The following AP1M1 variants were observed in gnomAD, a reference collection of about 807,000 sequenced individuals.
AP1M1 encodes adaptor related protein complex 1 subunit mu 1, also known as AP-1 complex subunit mu-1.
In AP1M1, 18 loss-of-function variants were observed where a neutral mutation model predicts 57.1. That is an observed-to-expected ratio of 0.32 (90% CI 0.22 to 0.47). The LOEUF is 0.47. AP1M1 is among the 20% of genes least tolerant of loss of function. The pLI is 1.00. For synonymous variants in AP1M1, 241 were observed against 237.9 expected, an observed-to-expected ratio of 1.01 and a Z score of -0.12; for missense variants, 362 against 593.5, an observed-to-expected ratio of 0.61 and a Z score of 4.05.
intron 5 of AP1M1, among the ~76,000 whole-genome samples, chr19:16,213,756 G>C (rs2091505667): frequency 6.6e-6 from 1 of 152,176 alleles, no homozygotes; most frequent in African/African-American, 2.4e-5. Context: ...GCCTCCCAAA[G>C]TGCTGGGATA....
chr19:16,209,070 C>T lies in AP1M1; in HGVS notation c.439C>T (p.Pro147Ser). Reference protein sequence around the residue: ...QEGHKLETGAPRPPATVTNAV... With the variant: ...QEGHKLETGASRPPATVTNAV... The stretch of plus-strand genomic sequence containing the variant: ...AGGCCACAAGCTGGAAACAGGGGCC[C>T]CGCGGCCACCAGCCACCGTCACCAA... The change falls in exon 5 of 12, where the codon CCG (proline) becomes TCG (serine). Residue 147 changes from proline (P) to serine (S), a missense_variant. By Grantham distance (74) the Pro-to-Ser change is moderately conservative. Around this residue, in one of 2 missense-constraint regions of AP1M1, gnomAD observed 337 missense variants for 511.1 expected, o/e 0.66. Coordinates refer to ENST00000291439, the MANE Select transcript of AP1M1 (RefSeq NM_032493.4). The T allele has an allele frequency of 1.2e-6, 2 of 1,614,210 alleles. No homozygotes were observed. The highest frequency in any genetic ancestry group is 2.2e-5 in the East Asian group (1 of 44,888).
chr19:16,201,704 A>G (rs2091448279), intron 1 of AP1M1, among the ~76,000 whole-genome samples: 1 of 152,032 alleles, frequency 6.6e-6, no homozygotes, highest in Non-Finnish European at 1.5e-5. Flanking sequence ...AGCTGGGAGG[A>G]CTTCCTAGAG....
At position 16,227,426 on chromosome 19, in the gene AP1M1, G is replaced by T; in HGVS notation, c.674-122G>T. ...AGCCCCCTTGGTGTTTGTGGCCCAG[G>T]CTGCTCTCAGTGCGTGGACTGGGGG... is the stretch of plus-strand genomic sequence containing the variant. On this transcript the variant is annotated intron_variant, in intron 6 of 11. Transcript: ENST00000291439. The surrounding 1 kb of genome is among the most constrained non-coding windows in gnomAD (Gnocchi z 6.2). The T allele has an allele frequency of 8.8e-7, 1 of 1,142,418 alleles. No homozygotes were observed. The allele number at this position is 1,142,418 out of a possible 1,614,324, so 70.8% of individuals were successfully genotyped here. A position where few individuals can be genotyped will look rare whatever the true frequency, so the allele number is the denominator to read the frequency against.
chr19:16,228,695 G>A lies in AP1M1; in HGVS notation c.889-75G>A. ...GGAGGATCCCCCGGGCCAGGCTGAG[G>A]GGCATGTGTCCTGGAGAGGCTGGCC... On this transcript the variant is annotated intron_variant, in intron 8 of 11. Coordinates refer to ENST00000291439, the MANE Select transcript of AP1M1 (RefSeq NM_032493.4). This position sits in a 1 kb window ranked among gnomAD's most constrained non-coding sequence, Gnocchi z 5.0. The A allele has an allele frequency of 6.4e-7, 1 of 1,561,744 alleles. No homozygotes were observed. The highest frequency in any genetic ancestry group is 8.8e-7 in the Non-Finnish European group (1 of 1,141,560).
At chr19:16,234,096 T>C in intron 10 of AP1M1, 103 bp from the exon 11 acceptor site, 2 of 1,162,720 alleles carry the variant, frequency 1.7e-6, no homozygotes, top group African/African-American at 1.5e-5. Flanking sequence ...CCTGTCGTCA[T>C]GGCCTCCCCT....
Position 16,209,821 on chromosome 19 carries a change from G to A in AP1M1, c.546+644G>A, listed in dbSNP as rs1217725674. Among the ~76,000 whole-genome samples the A allele has an allele frequency of 4.6e-5, 7 of 152,080 alleles. No homozygotes were observed. In the East Asian group the frequency reaches 1.3e-3, roughly 29 times the overall value. ...TTTGGGTTTTGATTTTGCGTTCAGTGTTACTGTTTTGTATATTTTTTTCTT... is the reference window on the plus strand; with the variant it reads ...TTTGGGTTTTGATTTTGCGTTCAGTATTACTGTTTTGTATATTTTTTTCTT... On this transcript the variant is annotated intron_variant, in intron 5 of 11. Transcript: ENST00000291439.
chr19:16,210,543 C>A, intron 5 of AP1M1: 1 of 593,624 alleles, frequency 1.7e-6, no homozygotes, highest in Non-Finnish European at 3.1e-6. Context: ...AGTATGTCAG[C>A]ACAGTTTTGT....
At chr19:16,223,956 A>G (rs2091557489) in intron 5 of AP1M1, among the ~76,000 whole-genome samples, 1 of 152,182 alleles carries the variant, frequency 6.6e-6, no homozygotes. Flanking sequence ...CCAGTCATGC[A>G]GGTCACTCAG....
chr19:16,211,632 C>T (rs1354643431), intron 5 of AP1M1, among the ~76,000 whole-genome samples: 1 of 151,984 alleles, frequency 6.6e-6, no homozygotes, highest in East Asian at 1.9e-4. Context: ...CGCCTGTAAT[C>T]CCAGCTACTC....
intron 9 of AP1M1, among the ~76,000 whole-genome samples, chr19:16,231,298 AAAAAAAAAAAAAC>A (rs1401372658): frequency 3.9e-5 from 1 of 25,334 alleles, no homozygotes; most frequent in Admixed American, 5.8e-4. Flanking sequence ...AAAAAAAAAA[AAAAAAAAAAAAAC>A]ACAGAGAGAG....
At chr19:16,232,243 C>G (rs1192823140) in intron 9 of AP1M1, among the ~76,000 whole-genome samples, 3 of 152,232 alleles carry the variant, frequency 2.0e-5, no homozygotes, top group Non-Finnish European at 4.4e-5. Context: ...CCTGTTCTTC[C>G]TACCCGGGGA....
At chr19:16,229,786 G>A (rs190967603) in intron 9 of AP1M1, among the ~76,000 whole-genome samples, 106 of 152,310 alleles carry the variant, frequency 7.0e-4, no homozygotes, top group Non-Finnish European at 1.1e-3. Flanking sequence ...GCCTTTCCGC[G>A]TGTCTCCTCA....
At position 16,228,691 on chromosome 19, in the gene AP1M1, T is replaced by C. The variant is rs1387816377; in HGVS notation, c.889-79T>C. 7 of 1,552,364 alleles carry C rather than the reference T, an allele frequency of 4.5e-6. No homozygotes were observed. Among genetic ancestry groups the C allele is most frequent in the Admixed American group, 3.4e-5 (2 of 58,562 alleles). On this transcript the variant is annotated intron_variant, in intron 8 of 11. Coordinates refer to ENST00000291439, the MANE Select transcript of AP1M1 (RefSeq NM_032493.4). The surrounding 1 kb of genome is among the most constrained non-coding windows in gnomAD (Gnocchi z 5.0). Reference sequence around the variant, plus strand: ...CTAGGGAGGATCCCCCGGGCCAGGCTGAGGGGCATGTGTCCTGGAGAGGCT... The same window carrying C: ...CTAGGGAGGATCCCCCGGGCCAGGCCGAGGGGCATGTGTCCTGGAGAGGCT...
At position 16,231,101 on chromosome 19, in the gene AP1M1, A is replaced by AC. The variant is rs1191432333; in HGVS notation, c.1047+2174dup. ...CAGGAGATCAAGACCATCCTGGCTA[A>AC]CATGGTGAAACCCCGTCTCTACTAA... On this transcript the variant is annotated intron_variant, in intron 9 of 11. Coordinates refer to ENST00000291439, the MANE Select transcript of AP1M1 (RefSeq NM_032493.4). 7.2e-5 allele frequency among the ~76,000 whole-genome samples: 11 copies of AC among 152,076 alleles called. No individual in the cohort carries two copies. The East Asian group carries it at 1.2e-3, about 16-fold the overall frequency.
At chr19:16,234,301 G>C in intron 11 of AP1M1, 27 bp downstream of exon 11, 2 of 1,613,338 alleles carry the variant, frequency 1.2e-6, no homozygotes, top group African/African-American at 2.7e-5. Flanking sequence ...CCGTGGGGTG[G>C]GGTTGTACTG....
In AP1M1 at chr19:16,208,007, C is replaced by T. The variant is rs1271317351; in HGVS notation, c.268-12C>T. The T allele has an allele frequency of 6.2e-7, 1 of 1,606,886 alleles. No individual in the cohort carries two copies. The highest frequency in any genetic ancestry group is 8.5e-7 in the Non-Finnish European group (1 of 1,176,680). ...TGCCTCCCATTCCTCCCTCCCTCCC[C>T]AACCGCCACAGGTGTTTTCCGAGTA... On this transcript the variant is annotated splice_polypyrimidine_tract_variant and intron_variant, in intron 3 of 11. Coordinates refer to ENST00000291439, the MANE Select transcript of AP1M1 (RefSeq NM_032493.4).
chr19:16,216,655 G>C (rs1192684334), intron 5 of AP1M1, among the ~76,000 whole-genome samples: 1 of 152,178 alleles, frequency 6.6e-6, no homozygotes, highest in Non-Finnish European at 1.5e-5. Flanking sequence ...TTGTGTATAA[G>C]GTGGGTTCAG....
chr19:16,209,738 A>G (rs1330960001), intron 5 of AP1M1, among the ~76,000 whole-genome samples: 3 of 152,190 alleles, frequency 2.0e-5, no homozygotes, highest in African/African-American at 7.2e-5. Flanking sequence ...TTTTTCTATA[A>G]ACCTGAGATC....
At chr19:16,198,360 G>T (rs2091433136) in intron 1 of AP1M1, 1 of 212,278 alleles carries the variant, frequency 4.7e-6, no homozygotes, top group Non-Finnish European at 9.4e-6. Context: ...GGGGGCTCGG[G>T]CCTCGGTGGA....
Sources: allele counts gnomAD v4.1 joint callset (sites outside exome capture counted in the v4.1 genomes callset), GRCh38; gene constraint gnomAD v4.1.1; regional missense constraint gnomAD v4.1.1; non-coding constraint Gnocchi (gnomAD v3.1); transcripts MANE v1.5; gene names NCBI Gene and HGNC (gene_info 2026-07-23, HGNC 2026-07-21).